C8orf34: variants seen among roughly 807,000 people sequenced by gnomAD.
The protein encoded by C8orf34 is uncharacterized protein C8orf34.
A neutral mutation model predicts 68.3 loss-of-function variants in C8orf34; 65 were observed. The ratio of observed to expected loss-of-function variants is 0.95; its 90% CI spans 0.78 to 1.17. C8orf34 has a LOEUF of 1.17. Ranked by LOEUF, C8orf34 falls within the 50% of genes most tolerant of loss-of-function variation. The pLI is 0.00. For synonymous variants in C8orf34, 244 were observed against 241.2 expected, an observed-to-expected ratio of 1.01 and a Z score of -0.11; for missense variants, 664 against 655.4, an observed-to-expected ratio of 1.01 and a Z score of -0.14.
At chr8:68,542,942 C>T (rs1469403568) in intron 7 of C8orf34, among the ~76,000 whole-genome samples, 1 of 152,036 alleles carries the variant, frequency 6.6e-6, no homozygotes, top group Non-Finnish European at 1.5e-5. Context: ...TACCATCATA[C>T]TATACATATT....
chr8:68,397,173 C>T (rs13252745), intron 1 of C8orf34, among the ~76,000 whole-genome samples: 68,576 of 151,506 alleles, frequency 0.45, 15,682 homozygotes, highest in Non-Finnish European at 0.5. Context: ...ACCTGACTAA[C>T]TTTTGTATTT....
intron 7 of C8orf34, among the ~76,000 whole-genome samples, chr8:68,568,870 G>A (rs1321352007): frequency 6.6e-6 from 1 of 152,064 alleles, no homozygotes; most frequent in Middle Eastern, 3.2e-3. Flanking sequence ...GACTTTGTGG[G>A]CCATACCGTC....
At chr8:68,617,747 C>T (rs1464390747) in intron 7 of C8orf34, among the ~76,000 whole-genome samples, 2 of 152,158 alleles carry the variant, frequency 1.3e-5, no homozygotes, top group Non-Finnish European at 2.9e-5. Context: ...TTTGGTGAAT[C>T]TGACAATTAT....
At chr8:68,330,808 C>T, upstream of C8orf34, 1 of 488,776 alleles carries the variant, frequency 2.0e-6, no homozygotes, top group Non-Finnish European at 3.5e-6. Flanking sequence ...CACACACACA[C>T]GCACGCACGC....
intron 1 of C8orf34, among the ~76,000 whole-genome samples, chr8:68,374,654 A>G (rs1394673157): frequency 6.6e-6 from 1 of 152,240 alleles, no homozygotes; most frequent in East Asian, 1.9e-4. Flanking sequence ...AGTAAAATAT[A>G]CTAACCAACC....
chr8:68,458,877 T>C (rs1274102524), intron 3 of C8orf34, among the ~76,000 whole-genome samples: 1 of 152,234 alleles, frequency 6.6e-6, no homozygotes, highest in Non-Finnish European at 1.5e-5. Context: ...GTTCATTTTT[T>C]TATTTTTAAT....
At chr8:68,461,852 G>C (rs1323298647) in intron 3 of C8orf34, among the ~76,000 whole-genome samples, 15 of 152,298 alleles carry the variant, frequency 9.8e-5, no homozygotes, top group African/African-American at 3.6e-4. Flanking sequence ...AAATTGTAAA[G>C]ACCATCAAGG....
chr8:68,352,619 C>T (rs139124061), intron 1 of C8orf34, among the ~76,000 whole-genome samples: 1 of 152,016 alleles, frequency 6.6e-6, no homozygotes, highest in Non-Finnish European at 1.5e-5. Context: ...TCTCAGGGAC[C>T]CTTCCTACAA....
intron 12 of C8orf34, among the ~76,000 whole-genome samples, chr8:68,798,757 C>A (rs1824249581): frequency 6.6e-6 from 1 of 152,016 alleles, no homozygotes. Flanking sequence ...GTGTGCTATT[C>A]TTATTTTGAA....
intron 7 of C8orf34, among the ~76,000 whole-genome samples, chr8:68,578,720 C>T (rs138535563): frequency 2.4e-3 from 366 of 151,590 alleles, no homozygotes; most frequent in African/African-American, 8.0e-3. Context: ...TCTTCATTTG[C>T]CATTATTTTG....
intron 7 of C8orf34, among the ~76,000 whole-genome samples, chr8:68,599,473 A>G (rs757688330): frequency 3.4e-4 from 52 of 152,084 alleles, no homozygotes; most frequent in African/African-American, 1.2e-3. Flanking sequence ...TACAGTAACC[A>G]AAACAGTGTT....
chr8:68,623,149 G>A (rs1178948716), intron 7 of C8orf34, among the ~76,000 whole-genome samples: 2 of 152,180 alleles, frequency 1.3e-5, no homozygotes, highest in African/African-American at 4.8e-5. Context: ...ATGTCAGATT[G>A]CTTAGCCGAA....
chr8:68,461,409 G>C (rs1236294608), intron 3 of C8orf34, among the ~76,000 whole-genome samples: 1 of 152,244 alleles, frequency 6.6e-6, no homozygotes, highest in African/African-American at 2.4e-5. Flanking sequence ...TAGCAAGGCA[G>C]GCCAACATTC....
chr8:68,735,571 T>C (rs1268270259), intron 10 of C8orf34, among the ~76,000 whole-genome samples: 1 of 150,768 alleles, frequency 6.6e-6, no homozygotes, highest in African/African-American at 2.5e-5. Flanking sequence ...CATTTACTTA[T>C]GTTAAATAAT....
At chr8:68,666,704 T>C (rs1819852933) in intron 8 of C8orf34, among the ~76,000 whole-genome samples, 1 of 152,166 alleles carries the variant, frequency 6.6e-6, no homozygotes, top group Admixed American at 6.6e-5. Flanking sequence ...AAAATTTGCT[T>C]GCGTGTATTT....
At chr8:68,381,763 T>C (rs866692769) in intron 1 of C8orf34, among the ~76,000 whole-genome samples, 26 of 72,802 alleles carry the variant, frequency 3.6e-4, no homozygotes, top group African/African-American at 1.3e-3. Context: ...AAAAAAAAAA[T>C]AGGTATATTA....
intron 8 of C8orf34, among the ~76,000 whole-genome samples, chr8:68,662,750 T>C (rs1323757579): frequency 6.6e-6 from 1 of 152,186 alleles, no homozygotes; most frequent in Non-Finnish European, 1.5e-5. Flanking sequence ...ATAAGGGAAC[T>C]TCATAGGAAT....
chr8:68,743,909 G>C (rs1025004017), intron 10 of C8orf34, among the ~76,000 whole-genome samples: 1 of 152,224 alleles, frequency 6.6e-6, no homozygotes, highest in Admixed American at 6.5e-5. Context: ...GCCTGCCTCT[G>C]TAGGCTCCAC....
chr8:68,804,171 G>A (rs572047887), intron 12 of C8orf34, among the ~76,000 whole-genome samples: 45 of 152,146 alleles, frequency 3.0e-4, no homozygotes, highest in African/African-American at 9.6e-4. Flanking sequence ...CTCATTTAAG[G>A]CCCTATGTAT....
Sources: gnomAD v4.1 joint callset for allele counts (sites outside exome capture counted in the v4.1 genomes callset) on GRCh38, gnomAD v4.1.1 for gene constraint, MANE v1.5 for transcripts, NCBI Gene and HGNC (gene_info 2026-07-23, HGNC 2026-07-21) for gene names.